RORA: variants seen among roughly 807,000 people sequenced by gnomAD.
RORA encodes RAR related orphan receptor A.
A neutral mutation model predicts 69.5 loss-of-function variants in RORA; 7 were observed. The observed-to-expected ratio is 0.10, with a 90% CI of 0.06 to 0.19. The LOEUF (loss-of-function observed/expected upper bound fraction) is 0.19, where lower values mean the gene tolerates loss of function less well. Among genes scored for constraint, RORA ranks in the 10% least tolerant of loss-of-function variants. The probability of loss-of-function intolerance (pLI) is 1.00; values close to 1 mark genes in which losing one functional copy is unlikely to be tolerated. For synonymous variants in RORA, 261 were observed against 240.8 expected (o/e 1.08, Z -0.78); for missense variants, 457 against 663.0 (o/e 0.69, Z 3.41).
chr15:60,545,439 T>C (rs976507073), intron 2 of RORA, among the ~76,000 whole-genome samples: 7 of 152,232 alleles, frequency 4.6e-5, no homozygotes, highest in African/African-American at 1.4e-4. Flanking sequence ...AATATTTCTA[T>C]TGAAGCCAGT....
intron 2 of RORA, chr15:60,614,755 T>C: frequency 1.4e-6 from 1 of 707,936 alleles, no homozygotes; most frequent in South Asian, 2.7e-5. Context: ...AAACTCAGTT[T>C]TCTCAAGAAA....
chr15:60,581,021 A>T (rs1367303094), intron 2 of RORA, among the ~76,000 whole-genome samples: 1 of 152,216 alleles, frequency 6.6e-6, no homozygotes, highest in East Asian at 1.9e-4. Flanking sequence ...CAGCACCCAC[A>T]TTTTCTGTAA....
intron 1 of RORA, among the ~76,000 whole-genome samples, chr15:60,712,542 C>A (rs867757697): frequency 6.6e-6 from 1 of 152,136 alleles, no homozygotes; most frequent in Non-Finnish European, 1.5e-5. Flanking sequence ...TTGATATGTA[C>A]CCAGACAGCT....
intron 1 of RORA, among the ~76,000 whole-genome samples, chr15:61,117,777 A>G (rs1446504421): frequency 2.0e-5 from 3 of 152,246 alleles, no homozygotes; most frequent in Non-Finnish European, 4.4e-5. Context: ...TGAAGCATCA[A>G]TTTGTAGAAG....
At chr15:60,692,679 A>G (rs1288087516) in intron 1 of RORA, among the ~76,000 whole-genome samples, 1 of 152,230 alleles carries the variant, frequency 6.6e-6, no homozygotes, top group African/African-American at 2.4e-5. Flanking sequence ...GGTGTTGGGT[A>G]TAGGGCAGTT....
intron 1 of RORA, among the ~76,000 whole-genome samples, chr15:60,896,443 AT>A (rs1891233200): frequency 6.6e-6 from 1 of 152,158 alleles, no homozygotes; most frequent in South Asian, 2.1e-4. Context: ...AAAAACATCC[AT>A]TTGTCAGACA....
intron 1 of RORA, among the ~76,000 whole-genome samples, chr15:60,907,225 G>A (rs1002834506): frequency 3.3e-5 from 5 of 152,248 alleles, no homozygotes; most frequent in South Asian, 2.1e-4. Context: ...AGGGCTACAC[G>A]GCACAGAAGA....
chr15:60,707,528 T>TA (rs1381897046), intron 1 of RORA, among the ~76,000 whole-genome samples: 1 of 151,952 alleles, frequency 6.6e-6, no homozygotes, highest in Non-Finnish European at 1.5e-5. Context: ...CACGCCTGGC[T>TA]AATTTTTTGT....
At chr15:60,527,068 G>C (rs563831637) in intron 3 of RORA, among the ~76,000 whole-genome samples, 1 of 152,302 alleles carries the variant, frequency 6.6e-6, no homozygotes, top group South Asian at 2.1e-4. Flanking sequence ...GTATTGATTG[G>C]TAAGTGTATA....
In RORA at chr15:60,608,563, A is replaced by G. The variant is rs570506135; in HGVS notation, c.196+70094T>C. Among the ~76,000 whole-genome samples the G allele has an allele frequency of 2.4e-4, 36 of 152,326 alleles. No individual in the cohort carries two copies. In the South Asian group the frequency reaches 7.0e-3, roughly 30 times the overall value. ...CACTACATGTTGCAAGATGCTAAGT[A>G]TTGAAAACTGATTTCCTGTTCCTGA... is the stretch of plus-strand genomic sequence containing the variant. On this transcript the variant is annotated intron_variant, in intron 2 of 10. Transcript: ENST00000335670.
At chr15:60,786,803 G>A (rs1253114034) in intron 1 of RORA, among the ~76,000 whole-genome samples, 3 of 152,232 alleles carry the variant, frequency 2.0e-5, no homozygotes, top group Admixed American at 6.5e-5. Context: ...ATGCTCACCC[G>A]ACTGGATCCA....
chr15:61,098,587 TC>T lies in RORA; in HGVS notation c.166+130465del, dbSNP rs1473501354. 1.4e-3 allele frequency among the ~76,000 whole-genome samples: 215 copies of T among 152,228 alleles called. 4 individuals are homozygous for T. The highest frequency in any genetic ancestry group is 4.9e-4 in the Non-Finnish European group (33 of 68,022). On this transcript the variant is annotated intron_variant, in intron 1 of 10. Coordinates refer to ENST00000335670, the MANE Select transcript of RORA (RefSeq NM_134261.3). ...CGAGCTCCTGGGTTCAAGCAGTCCT[TC>T]CGACTTGGCCTCCTCAAATGCTAGG...
chr15:61,046,747 A>T (rs954087377), intron 1 of RORA, among the ~76,000 whole-genome samples: 12 of 152,230 alleles, frequency 7.9e-5, no homozygotes, highest in African/African-American at 2.7e-4. Context: ...ACAGATGCCA[A>T]CAGGCCTTCA....
chr15:60,977,697 T>C (rs1280025959), intron 1 of RORA, among the ~76,000 whole-genome samples: 1 of 152,218 alleles, frequency 6.6e-6, no homozygotes, highest in African/African-American at 2.4e-5. Flanking sequence ...TTCCTATGAA[T>C]GGAAGCACAC....
chr15:61,019,247 C>G lies in RORA; in HGVS notation c.166+209806G>C, dbSNP rs143479452. Reference sequence around the variant, plus strand: ...TGCTGGCATCACTCGCCCCAAATTTCTAACATTGTCATGATAACCCCATTT... The same window carrying G: ...TGCTGGCATCACTCGCCCCAAATTTGTAACATTGTCATGATAACCCCATTT... On this transcript the variant is annotated intron_variant, in intron 1 of 10. Coordinates refer to ENST00000335670, the MANE Select transcript of RORA (RefSeq NM_134261.3). Among the ~76,000 whole-genome samples the G allele has an allele frequency of 3.3e-3, 501 of 152,342 alleles. 1 individual carries two copies. Among genetic ancestry groups the G allele is most frequent in the Non-Finnish European group, 5.9e-3 (404 of 68,028 alleles).
At chr15:60,882,235 C>T (rs557343754) in intron 1 of RORA, among the ~76,000 whole-genome samples, 32 of 152,222 alleles carry the variant, frequency 2.1e-4, no homozygotes, top group Non-Finnish European at 3.7e-4. Flanking sequence ...ATGGCATTCT[C>T]GATTAGGGGC....
In RORA at chr15:60,515,983, A is replaced by ATT. The variant is rs2065876077; in HGVS notation, c.283-1227_283-1226insAA. 5.4e-4 allele frequency among the ~76,000 whole-genome samples: 4 copies of ATT among 7,428 alleles called. 1 individual carries two copies. Among genetic ancestry groups the ATT allele is most frequent in the Non-Finnish European group, 9.2e-4 (3 of 3,252 alleles). The allele number at this position is 7,428 out of a possible 152,430, so 4.9% of individuals were successfully genotyped here. ...TATATTTATATATATTTATATATTT[A>ATT]TATATATTTATATATATTTATATAT... is the stretch of plus-strand genomic sequence containing the variant. On this transcript the variant is annotated intron_variant, in intron 3 of 10. Transcript: ENST00000335670.
At chr15:60,947,392 C>A (rs1448401133) in intron 1 of RORA, among the ~76,000 whole-genome samples, 4 of 151,926 alleles carry the variant, frequency 2.6e-5, no homozygotes, top group Non-Finnish European at 5.9e-5. Flanking sequence ...TTGACCTTAC[C>A]CCCAACCCGG....
rs200626062 is a variant in RORA, at chr15:60,628,539, AT to A, written c.196+50117del. 3.5e-3 allele frequency among the ~76,000 whole-genome samples: 534 copies of A among 152,102 alleles called. 1 individual carries two copies. The highest frequency in any genetic ancestry group is 0.017 in the East Asian group (89 of 5,178). ...TTTACTGCACCCAGCTAATTTTTAC[AT>A]TTTTTTAAATACAGACAGGGTCTTG... On this transcript the variant is annotated intron_variant, in intron 2 of 10. Transcript: ENST00000335670.
Sources: gnomAD v4.1 joint callset for allele counts (sites outside exome capture counted in the v4.1 genomes callset) on GRCh38, gnomAD v4.1.1 for gene constraint, MANE v1.5 for transcripts, NCBI Gene and HGNC (gene_info 2026-07-23, HGNC 2026-07-21) for gene names.